Variants in NAV3 observed in about 807,000 individuals in gnomAD.
NAV3 encodes neuron navigator 3.
A neutral mutation model predicts 244.7 loss-of-function variants in NAV3; 87 were observed. The observed-to-expected ratio is 0.36, with a 90% CI of 0.30 to 0.42. NAV3 has a LOEUF of 0.42. Ranked by LOEUF, NAV3 falls within the 20% of genes least tolerant of loss-of-function variation. The probability of loss-of-function intolerance (pLI) is 1.00; values close to 1 mark genes in which losing one functional copy is unlikely to be tolerated. For synonymous variants in NAV3, 1,126 were observed against 1,042.2 expected (o/e 1.08, Z -1.55); for missense variants, 2,663 against 2,893.3 (o/e 0.92, Z 1.83).
intron 1 of NAV3, among the ~76,000 whole-genome samples, chr12:77,836,523 G>A (rs931313962): frequency 1.3e-5 from 2 of 151,378 alleles, no homozygotes; most frequent in Admixed American, 6.6e-5. Flanking sequence ...ACATTTCAAA[G>A]AAAGTATTAT....
At chr12:77,968,793 G>T (rs138937416) in intron 5 of NAV3, 91 bp downstream of exon 5, 4 of 1,214,444 alleles carry the variant, frequency 3.3e-6, no homozygotes, top group African/African-American at 3.0e-5. Context: ...TTTGAAAAAC[G>T]TACTCATGTG....
chr12:77,834,781 T>G (rs1279507454), intron 1 of NAV3, among the ~76,000 whole-genome samples: 1 of 152,176 alleles, frequency 6.6e-6, no homozygotes, highest in Non-Finnish European at 1.5e-5. Flanking sequence ...ACTTATCAGA[T>G]TAAAAATGTT....
intron 11 of NAV3, among the ~76,000 whole-genome samples, chr12:78,054,323 C>T (rs974751036): frequency 8.5e-5 from 13 of 152,092 alleles, no homozygotes; most frequent in Non-Finnish European, 1.5e-4. Context: ...TTTCTCTTAA[C>T]TGAGAGTCAT....
At chr12:77,874,402 T>A (rs1347751508) in intron 1 of NAV3, among the ~76,000 whole-genome samples, 1 of 151,858 alleles carries the variant, frequency 6.6e-6, no homozygotes, top group African/African-American at 2.4e-5. Context: ...TTAAATTTTT[T>A]ATAGAGATGT....
intron 1 of NAV3, among the ~76,000 whole-genome samples, chr12:77,840,783 G>A (rs1875505966): frequency 6.6e-6 from 1 of 152,162 alleles, no homozygotes; most frequent in South Asian, 2.1e-4. Context: ...GGCAGAGCTG[G>A]AATTCCAACC....
At chr12:78,017,260 A>G (rs1876380407) in intron 8 of NAV3, among the ~76,000 whole-genome samples, 1 of 152,092 alleles carries the variant, frequency 6.6e-6, no homozygotes, top group African/African-American at 2.4e-5. Flanking sequence ...CATGACTTTT[A>G]ATTACTACAA....
chr12:77,993,997 A>G (rs1367330367), intron 5 of NAV3, among the ~76,000 whole-genome samples: 1 of 107,128 alleles, frequency 9.3e-6, no homozygotes, highest in Non-Finnish European at 1.9e-5. Flanking sequence ...GGTAACGCAG[A>G]GATCAGTTGA....
chr12:77,621,477 C>CT (rs1217567447), intron 2 of NAV3, among the ~76,000 whole-genome samples: 2,208 of 135,004 alleles, frequency 0.016, 22 homozygotes, highest in Non-Finnish European at 0.024. Context: ...TTTCTCTTCT[C>CT]TTTTTTTTTT....
intron 12 of NAV3, among the ~76,000 whole-genome samples, chr12:78,100,098 A>T (rs573036821): frequency 5.9e-5 from 9 of 152,082 alleles, no homozygotes; most frequent in Admixed American, 1.3e-4. Flanking sequence ...CATGGTATTA[A>T]TGTTAGTCTC....
At chr12:77,822,506 T>G (rs1728047067) in intron 2 of NAV3, among the ~76,000 whole-genome samples, 1 of 152,176 alleles carries the variant, frequency 6.6e-6, no homozygotes, top group Admixed American at 6.5e-5. Flanking sequence ...GAAAAAATGA[T>G]TTCAGTGGGA....
chr12:77,638,620 G>A (rs1295433471), intron 2 of NAV3, among the ~76,000 whole-genome samples: 7 of 152,214 alleles, frequency 4.6e-5, no homozygotes, highest in Non-Finnish European at 1.5e-5. Context: ...GGTGATTGGA[G>A]AATGGAGCAA....
chr12:78,061,932 G>T (rs866667048), intron 12 of NAV3, among the ~76,000 whole-genome samples: 3 of 152,216 alleles, frequency 2.0e-5, no homozygotes, highest in Middle Eastern at 3.4e-3. Context: ...GACAATTGCA[G>T]AAAATGTCAA....
intron 2 of NAV3, among the ~76,000 whole-genome samples, chr12:77,741,685 G>A (rs1023830894): frequency 6.6e-6 from 1 of 152,046 alleles, no homozygotes; most frequent in African/African-American, 2.4e-5. Context: ...ATAAAAGGGT[G>A]GCGCAATATA....
intron 3 of NAV3, among the ~76,000 whole-genome samples, chr12:77,962,892 T>G (rs914889129): frequency 2.6e-5 from 4 of 152,186 alleles, no homozygotes; most frequent in African/African-American, 9.6e-5. Context: ...TATTGGGTTG[T>G]GCTATTCAAT....
chr12:77,573,950 A>G (rs1664622666), intron 2 of NAV3, among the ~76,000 whole-genome samples: 1 of 152,128 alleles, frequency 6.6e-6, no homozygotes, highest in Non-Finnish European at 1.5e-5. Flanking sequence ...TGGAACTGTA[A>G]ACAATGGTTT....
intron 1 of NAV3, among the ~76,000 whole-genome samples, chr12:77,868,942 T>C (rs1337959329): frequency 6.6e-6 from 1 of 151,422 alleles, no homozygotes; most frequent in East Asian, 1.9e-4. Flanking sequence ...TGTAGCAGCA[T>C]GCACCTGTAG....
At chr12:77,970,585 TGGGGG>T (rs1283600401) in intron 5 of NAV3, among the ~76,000 whole-genome samples, 2 of 152,122 alleles carry the variant, frequency 1.3e-5, no homozygotes, top group Non-Finnish European at 2.9e-5. Flanking sequence ...TATGAAGTGA[TGGGGG>T]ATATTTTTTA....
chr12:77,900,957 C>T (rs966726198), intron 1 of NAV3, among the ~76,000 whole-genome samples: 10 of 152,068 alleles, frequency 6.6e-5, no homozygotes, highest in Non-Finnish European at 1.3e-4. Context: ...TTATAGTGGC[C>T]TTGATTTACA....
intron 2 of NAV3, among the ~76,000 whole-genome samples, chr12:77,683,950 G>A (rs929790001): frequency 2.6e-5 from 4 of 152,006 alleles, no homozygotes; most frequent in African/African-American, 7.2e-5. Flanking sequence ...TTTCTTTTCA[G>A]TAAATATGTA....
Sources: gnomAD v4.1 joint callset for allele counts (sites outside exome capture counted in the v4.1 genomes callset) on GRCh38, gnomAD v4.1.1 for gene constraint, MANE v1.5 for transcripts, NCBI Gene and HGNC (gene_info 2026-07-23, HGNC 2026-07-21) for gene names.